SEL1L: variants seen among roughly 807,000 people sequenced by gnomAD.
SEL1L encodes the protein protein sel-1 homolog 1.
Under a neutral mutation model 109.8 loss-of-function variants are expected in SEL1L, and 52 were observed. The observed-to-expected ratio is 0.47, with a 90% confidence interval of 0.38 to 0.60. The LOEUF (loss-of-function observed/expected upper bound fraction) is 0.60, where lower values mean the gene tolerates loss of function less well. SEL1L is among the 20% of genes least tolerant of loss of function. The probability of loss-of-function intolerance (pLI) is 0.00; values close to 1 mark genes in which losing one functional copy is unlikely to be tolerated. For missense variants in SEL1L, 749 were observed against 962.2 expected, an observed-to-expected ratio of 0.78 and a Z score of 2.93; for synonymous variants, 373 against 339.6, an observed-to-expected ratio of 1.10 and a Z score of -1.08.
Position 81,495,100 on chromosome 14 carries a change from C to A in SEL1L, c.1166G>T (p.Gly389Val). ...AGTTACCTGATGATTCTGTTCTACT[C>A]CACGCCCTCCGTGCAGGTGCAGTTG... ...LGQLHLHGGR[G>V]VEQNHQRAFD... Residue 389 changes from glycine (G) to valine (V), a missense_variant, in exon 11 of 21, where the codon GGA (glycine) becomes GTA (valine). By Grantham distance (109) the Gly-to-Val change is moderately radical (BLOSUM62 -3). Coordinates refer to ENST00000336735, the MANE Select transcript of SEL1L (RefSeq NM_005065.6). 6.2e-7 allele frequency: 1 copy of A among 1,614,056 alleles called. No homozygotes were observed. The highest frequency in any genetic ancestry group is 8.5e-7 in the Non-Finnish European group (1 of 1,179,978).
Position 81,476,325 on chromosome 14 carries a change from T to C in SEL1L, c.*647A>G, listed in dbSNP as rs898833451. 1 of 152,186 alleles carries C rather than the reference T, an allele frequency of 6.6e-6. No homozygotes were observed. Among genetic ancestry groups the C allele is most frequent in the African/African-American group, 2.4e-5 (1 of 41,440 alleles). The allele number at this position is 152,186 out of a possible 1,614,324, so 9.4% of individuals were successfully genotyped here. On this transcript the variant is annotated 3_prime_UTR_variant, in exon 21 of 21. Coordinates refer to ENST00000336735, the MANE Select transcript of SEL1L (RefSeq NM_005065.6). ...AAAAACTCCTTAACAAGGCCTTTCA[T>C]TCTTTGAAGGAGAGGAGTATGGTAT... is the stretch of plus-strand genomic sequence containing the variant.
At position 81,526,802 on chromosome 14, in the gene SEL1L, T is replaced by C; in HGVS notation, c.271A>G (p.Ile91Val). 1 of 1,608,172 alleles carries C rather than the reference T, an allele frequency of 6.2e-7. No homozygotes were observed. The highest frequency in any genetic ancestry group is 8.5e-7 in the Non-Finnish European group (1 of 1,178,390). Residue 91 changes from isoleucine to valine, a missense_variant, in exon 3 of 21, where the codon ATC (isoleucine) becomes GTC (valine). By Grantham distance (29) the Ile-to-Val change is conservative. Coordinates refer to ENST00000336735, the MANE Select transcript of SEL1L (RefSeq NM_005065.6). ...GGATTTGGAGACTCTAGAAAGCTGA[T>C]ATCTTCTGTGACACTTTCCCCCTCT... ...SQEGESVTEDISFLESPNPEN... is the reference protein window; with the variant it reads ...SQEGESVTEDVSFLESPNPEN...
chr14:81,487,883 C>T lies in SEL1L; in HGVS notation c.1455G>A (p.Gly485=). 6.2e-7 allele frequency: 1 copy of T among 1,613,712 alleles called. No homozygotes were observed. The highest frequency in any genetic ancestry group is 2.2e-5 in the East Asian group (1 of 44,870). The change falls in exon 15 of 21, where the codon GGG becomes GGA. Residue 485 remains glycine (G), a synonymous_variant. Transcript: ENST00000336735. ...QKAAEQGWVD[G]QLQLGSMYYN... ...AGTACATGGAACCAAGCTGTAGCTG[C>T]CCATCCACCCAGCCTTGTTCAGCAG...
chr14:81,533,645 G>A lies in SEL1L; in HGVS notation c.70+30C>T, dbSNP rs780362741. 1.6e-5 allele frequency: 26 copies of A among 1,605,506 alleles called. No individual in the cohort carries two copies. In the South Asian group the frequency reaches 2.9e-4, roughly 18 times the overall value. On this transcript the variant is annotated intron_variant, in intron 1 of 20. Transcript: ENST00000336735. ...TAGAGGCTGGGGGGCGGAGGCTCTG[G>A]GCCTTCAGCCCGAGGGGGCGGATAC... is the stretch of plus-strand genomic sequence containing the variant.
At chr14:81,526,343 C>A (rs1398395347) in intron 3 of SEL1L, among the ~76,000 whole-genome samples, 1 of 152,120 alleles carries the variant, frequency 6.6e-6, no homozygotes, top group Non-Finnish European at 1.5e-5. Flanking sequence ...TAGTAATAAT[C>A]CTACCACAAT....
intron 5 of SEL1L, 53 bp from the exon 6 acceptor site, chr14:81,502,936 TA>T (rs1884073592): frequency 6.8e-7 from 1 of 1,463,954 alleles, no homozygotes; most frequent in Admixed American, 2.0e-5. Flanking sequence ...AAACTGCCAT[TA>T]AGTTTTTTTG....
rs373167548 is a variant in SEL1L, at chr14:81,499,711, C to T, written c.778-49G>A. 151 of 1,459,284 alleles carry T rather than the reference C, an allele frequency of 1.0e-4. No individual in the cohort carries two copies. In the African/African-American group the frequency reaches 1.9e-3, roughly 19 times the overall value. The allele number at this position is 1,459,284 out of a possible 1,614,324, so 90.4% of individuals were successfully genotyped here. On this transcript the variant is annotated intron_variant, in intron 6 of 20. Coordinates refer to ENST00000336735, the MANE Select transcript of SEL1L (RefSeq NM_005065.6). The stretch of plus-strand genomic sequence containing the variant: ...AAATCTTGCTTTGGTGAAGGTTTAT[C>T]CAAGACAGACACAGACAGACACAGT...
At chr14:81,497,476 G>A (rs1045090981) in intron 10 of SEL1L, among the ~76,000 whole-genome samples, 2 of 152,188 alleles carry the variant, frequency 1.3e-5, no homozygotes, top group African/African-American at 2.4e-5. Flanking sequence ...AAAGAAACAC[G>A]AATGGTAAAT....
chr14:81,495,286 A>T, intron 10 of SEL1L, 149 bp from the exon 11 acceptor site: 1 of 692,134 alleles, frequency 1.4e-6, no homozygotes, highest in Non-Finnish European at 2.4e-6. Context: ...TGAAAATGCT[A>T]TTCTACTTTA....
At chr14:81,522,098 A>G (rs748133535) in intron 3 of SEL1L, among the ~76,000 whole-genome samples, 1 of 152,242 alleles carries the variant, frequency 6.6e-6, no homozygotes, top group Non-Finnish European at 1.5e-5. Flanking sequence ...TAGCTCTACA[A>G]TGTGTTTGTA....
intron 3 of SEL1L, among the ~76,000 whole-genome samples, chr14:81,521,369 A>G (rs1207777013): frequency 6.6e-6 from 1 of 152,220 alleles, no homozygotes; most frequent in Non-Finnish European, 1.5e-5. Context: ...AAAAGTTACG[A>G]AAGATCACCA....
chr14:81,490,193 C>T (rs565092977), intron 13 of SEL1L, among the ~76,000 whole-genome samples, 195 bp downstream of exon 13: 1 of 152,320 alleles, frequency 6.6e-6, no homozygotes, highest in South Asian at 2.1e-4. Context: ...AAATCAACAA[C>T]TTGGTCCCTA....
In SEL1L at chr14:81,499,477, T is replaced by C. The variant is rs371891695; in HGVS notation, c.873A>G (p.Leu291=). Residue 291 remains leucine (L), a synonymous_variant, in exon 8 of 21, where the codon CTA becomes CTG. Coordinates refer to ENST00000336735, the MANE Select transcript of SEL1L (RefSeq NM_005065.6). The part of the protein sequence containing the change: ...YYTFGALGGN[L]IAHMVLGYRY... ...TACTTACCAAAACCATGTGGGCTAT[T>C]AGATTGCCCCCAAGAGCTCCAAATG... 10 of 1,612,204 alleles carry C rather than the reference T, an allele frequency of 6.2e-6. No individual in the cohort carries two copies. Among genetic ancestry groups the C allele is most frequent in the African/African-American group, 1.3e-5 (1 of 74,828 alleles).
chr14:81,518,360 T>A (rs1003548324), intron 3 of SEL1L, among the ~76,000 whole-genome samples: 4 of 150,376 alleles, frequency 2.7e-5, no homozygotes, highest in Non-Finnish European at 4.4e-5. Context: ...ATAGGTAAAA[T>A]GTGTTTTAAA....
In SEL1L at chr14:81,502,661, C is replaced by T. The variant is rs1884062138; in HGVS notation, c.777+60G>A. ...AAGAAGTCAGGACATAGAGAGTAAACTGCTTTTAAAACTAACAAGTGTTAC... is the reference window on the plus strand; with the variant it reads ...AAGAAGTCAGGACATAGAGAGTAAATTGCTTTTAAAACTAACAAGTGTTAC... On this transcript the variant is annotated intron_variant, in intron 6 of 20. Coordinates refer to ENST00000336735, the MANE Select transcript of SEL1L (RefSeq NM_005065.6). 5.2e-6 allele frequency: 8 copies of T among 1,530,944 alleles called. No homozygotes were observed. In the South Asian group the frequency reaches 1.0e-4, roughly 19 times the overall value. The allele number at this position is 1,530,944 out of a possible 1,614,324, so 94.8% of individuals were successfully genotyped here.
intron 3 of SEL1L, among the ~76,000 whole-genome samples, chr14:81,518,188 C>T (rs1036275504): frequency 2.6e-5 from 4 of 151,650 alleles, no homozygotes; most frequent in Non-Finnish European, 5.9e-5. Flanking sequence ...CCACTGCGCC[C>T]GGCTTGGGAC....
At chr14:81,524,456 C>T (rs1231286239) in intron 3 of SEL1L, among the ~76,000 whole-genome samples, 1 of 152,168 alleles carries the variant, frequency 6.6e-6, no homozygotes, top group African/African-American at 2.4e-5. Flanking sequence ...ATAGAATAAA[C>T]AGCAGATAAT....
Position 81,532,933 on chromosome 14 carries a change from A to G in SEL1L, c.70+742T>C, listed in dbSNP as rs957831045. On this transcript the variant is annotated intron_variant, in intron 1 of 20. Coordinates refer to ENST00000336735, the MANE Select transcript of SEL1L (RefSeq NM_005065.6). ...GAAATTTTCAAATGTAGGCAGATTA[A>G]AACATTAAAAAAGGGGGAAAAAAGC... Among the ~76,000 whole-genome samples, 7 of 152,348 alleles carry G rather than the reference A, an allele frequency of 4.6e-5. No individual in the cohort carries two copies. In the East Asian group the frequency reaches 5.8e-4, roughly 13 times the overall value.
chr14:81,484,105 C>T (rs1903445121), intron 19 of SEL1L, 120 bp downstream of exon 19: 2 of 1,004,712 alleles, frequency 2.0e-6, no homozygotes, highest in African/African-American at 1.6e-5. Flanking sequence ...CAAATCAGTC[C>T]CATAATTTAG....
Sources: gnomAD v4.1 joint callset for allele counts (sites outside exome capture counted in the v4.1 genomes callset) on GRCh38, gnomAD v4.1.1 for gene constraint, MANE v1.5 for transcripts, NCBI Gene and HGNC (gene_info 2026-07-23, HGNC 2026-07-21) for gene names.